SRD5A3: variants seen among roughly 807,000 people sequenced by gnomAD.
SRD5A3 encodes polyprenal reductase.
SRD5A3 carries 24 observed loss-of-function variants against 34.3 expected under a neutral mutation model. The observed-to-expected ratio is 0.70, with a 90% CI of 0.51 to 0.99. The LOEUF is 0.99. SRD5A3 is among the 50% of genes least tolerant of loss of function. The pLI is 0.00. For synonymous variants in SRD5A3, 161 were observed against 167.3 expected, an observed-to-expected ratio of 0.96 and a Z score of 0.29; for missense variants, 350 against 388.2, an observed-to-expected ratio of 0.90 and a Z score of 0.83.
At chr4:55,354,208 G>A (rs916615972) in intron 1 of SRD5A3, among the ~76,000 whole-genome samples, 2 of 151,944 alleles carry the variant, frequency 1.3e-5, no homozygotes, top group East Asian at 1.9e-4. Flanking sequence ...AGTGATTCTC[G>A]TGTCTCAGCC....
rs779953644 is a variant in SRD5A3, at chr4:55,359,509, T to G, written c.364+21T>G. ...CCAGGGTAAGGACTCCCTGGGCTTA[T>G]GACAACGCTGCATCCCGTTTCTGTT... On this transcript the variant is annotated intron_variant, in intron 2 of 4. Transcript: ENST00000264228. 10 of 1,613,876 alleles carry G rather than the reference T, an allele frequency of 6.2e-6. 1 individual carries two copies. The South Asian group carries it at 8.8e-5, about 14-fold the overall frequency.
At position 55,359,493 on chromosome 4, in the gene SRD5A3, G is replaced by C; in HGVS notation, c.364+5G>C. The C allele has an allele frequency of 1.2e-6, 2 of 1,613,948 alleles. No homozygotes were observed. The highest frequency in any genetic ancestry group is 1.7e-6 in the Non-Finnish European group (2 of 1,180,002). On this transcript the variant is annotated splice_donor_5th_base_variant and intron_variant, in intron 2 of 4. Transcript: ENST00000264228. ...TCGGGGCGGCACAGTTCCAGGGTAA[G>C]GACTCCCTGGGCTTATGACAACGCT...
At chr4:55,368,317 T>C (rs537944007) in intron 4 of SRD5A3, among the ~76,000 whole-genome samples, 1 of 150,228 alleles carries the variant, frequency 6.7e-6, no homozygotes, top group East Asian at 2.0e-4. Flanking sequence ...AGGCGGAGGT[T>C]GCAGTGAGCT....
intron 1 of SRD5A3, among the ~76,000 whole-genome samples, chr4:55,353,344 C>A (rs1719272436): frequency 6.6e-6 from 1 of 152,130 alleles, no homozygotes; most frequent in Non-Finnish European, 1.5e-5. Context: ...TAAAAATGCA[C>A]CAATCAGCGC....
chr4:55,359,339 T>C lies in SRD5A3; in HGVS notation c.222-7T>C. 6.2e-7 allele frequency: 1 copy of C among 1,614,028 alleles called. No individual in the cohort carries two copies. The highest frequency in any genetic ancestry group is 8.5e-7 in the Non-Finnish European group (1 of 1,180,030). ...TAATTATTGCCTCGCTTGTTTTCCT[T>C]TTGCAGATATTTTTCCCACTTTTAT... On this transcript the variant is annotated splice_region_variant and splice_polypyrimidine_tract_variant and intron_variant, in intron 1 of 4. Transcript: ENST00000264228.
chr4:55,349,683 T>G (rs1359076608), intron 1 of SRD5A3, among the ~76,000 whole-genome samples: 1 of 152,186 alleles, frequency 6.6e-6, no homozygotes, highest in African/African-American at 2.4e-5. Context: ...GTAGAAGAAC[T>G]TCTTAAATTT....
At chr4:55,348,164 A>C (rs1327044290) in intron 1 of SRD5A3, among the ~76,000 whole-genome samples, 1 of 151,958 alleles carries the variant, frequency 6.6e-6, no homozygotes, top group Non-Finnish European at 1.5e-5. Context: ...TGTAATTTCT[A>C]CTCTATTGTG....
intron 4 of SRD5A3, among the ~76,000 whole-genome samples, chr4:55,368,396 TTTTATTTA>T (rs57202577): frequency 0.27 from 37,871 of 142,512 alleles, 5,319 homozygotes; most frequent in South Asian, 0.37. Context: ...AATTGAATAG[TTTTATTTA>T]TTTATTTATT....
chr4:55,362,842 C>CTTT (rs757066208), intron 2 of SRD5A3, among the ~76,000 whole-genome samples: 44 of 127,934 alleles, frequency 3.4e-4, no homozygotes, highest in African/African-American at 1.2e-3. Flanking sequence ...GTGTGTGAGA[C>CTTT]TTTTTTTTTT....
At chr4:55,348,168 T>C (rs1412030734) in intron 1 of SRD5A3, among the ~76,000 whole-genome samples, 1 of 152,350 alleles carries the variant, frequency 6.6e-6, no homozygotes, top group East Asian at 1.9e-4. Context: ...ATTTCTACTC[T>C]ATTGTGAAAT....
At chr4:55,356,670 C>T (rs1017064820) in intron 1 of SRD5A3, among the ~76,000 whole-genome samples, 3 of 151,534 alleles carry the variant, frequency 2.0e-5, no homozygotes, top group Non-Finnish European at 2.9e-5. Context: ...AGAGATGGGG[C>T]CTCATTATGT....
intron 3 of SRD5A3, chr4:55,366,598 C>G (rs150606515): frequency 1.3e-5 from 2 of 152,146 alleles, no homozygotes; most frequent in Admixed American, 6.6e-5. Flanking sequence ...ACAGGTAGAC[C>G]GGTGGATTTT....
Position 55,370,372 on chromosome 4 carries a change from A to T in SRD5A3, c.*281A>T. ...AACCAACTGATAAAAAGTAGATGAG[A>T]CTTCTCCAAGCTGCTTCACAAGCAA... is the stretch of plus-strand genomic sequence containing the variant. On this transcript the variant is annotated 3_prime_UTR_variant, in exon 5 of 5. Coordinates refer to ENST00000264228, the MANE Select transcript of SRD5A3 (RefSeq NM_024592.5). 1 of 472,470 alleles carries T rather than the reference A, an allele frequency of 2.1e-6. No individual in the cohort carries two copies. Among genetic ancestry groups the T allele is most frequent in the South Asian group, 2.2e-5 (1 of 45,258 alleles). 29.3% of individuals were successfully genotyped at this position (472,470 alleles called of 1,614,324 possible).
Position 55,346,290 on chromosome 4 carries a change from A to T in SRD5A3, c.-47A>T. 1 of 1,358,840 alleles carries T rather than the reference A, an allele frequency of 7.4e-7. No homozygotes were observed. The allele number at this position is 1,358,840 out of a possible 1,614,324, so 84.2% of individuals were successfully genotyped here. On this transcript the variant is annotated 5_prime_UTR_variant, in exon 1 of 5. Coordinates refer to ENST00000264228, the MANE Select transcript of SRD5A3 (RefSeq NM_024592.5). ...GCTAGTGGCCGCTCTTCCGCGGGCT[A>T]GCGGGCGGTGGGGGCGCCAGCAGCG...
chr4:55,370,250 A>C lies in SRD5A3; in HGVS notation c.*159A>C. 1 of 910,750 alleles carries C rather than the reference A, an allele frequency of 1.1e-6. No homozygotes were observed. Among genetic ancestry groups the C allele is most frequent in the Non-Finnish European group, 1.7e-6 (1 of 590,572 alleles). 56.4% of individuals were successfully genotyped at this position (910,750 alleles called of 1,614,324 possible). A position where few individuals can be genotyped will look rare whatever the true frequency, so the allele number is the denominator to read the frequency against. Reference sequence around the variant, plus strand: ...TTCACTGAATGAGCATGGCAGTGCCACTCAAGAAAATGAATCTCCAAAGTA... The same window carrying C: ...TTCACTGAATGAGCATGGCAGTGCCCCTCAAGAAAATGAATCTCCAAAGTA... On this transcript the variant is annotated 3_prime_UTR_variant, in exon 5 of 5. Transcript: ENST00000264228.
intron 1 of SRD5A3, among the ~76,000 whole-genome samples, chr4:55,348,906 G>A (rs1027539240): frequency 2.6e-5 from 4 of 152,326 alleles, no homozygotes; most frequent in Admixed American, 2.0e-4. Flanking sequence ...AAGATTAAGT[G>A]AGAATGGATT....
intron 4 of SRD5A3, among the ~76,000 whole-genome samples, chr4:55,368,396 T>TTTTATTTATTTA (rs57202577): frequency 2.8e-5 from 4 of 142,948 alleles, no homozygotes; most frequent in Non-Finnish European, 4.5e-5. Context: ...AATTGAATAG[T>TTTTATTTATTTA]TTTATTTATT....
chr4:55,371,166 G>A lies in SRD5A3; in HGVS notation c.*1075G>A, dbSNP rs921248634. 10 of 152,112 alleles carry A rather than the reference G, an allele frequency of 6.6e-5. No homozygotes were observed. In the East Asian group the frequency reaches 1.3e-3, roughly 20 times the overall value. 9.4% of individuals were successfully genotyped at this position (152,112 alleles called of 1,614,324 possible). A position where few individuals can be genotyped will look rare whatever the true frequency, so the allele number is the denominator to read the frequency against. On this transcript the variant is annotated 3_prime_UTR_variant, in exon 5 of 5. Coordinates refer to ENST00000264228, the MANE Select transcript of SRD5A3 (RefSeq NM_024592.5). ...TTATGCATAGCAAGCCTTCGTGAAC[G>A]GAAGTGACACACTCTGGATTGAATA...
chr4:55,366,969 A>T (rs1013671335), intron 3 of SRD5A3: 7 of 154,418 alleles, frequency 4.5e-5, no homozygotes, highest in Admixed American at 1.9e-4. Context: ...GTTCTTTCTC[A>T]TCCAGACCTG....
Sources: gnomAD v4.1 joint callset for allele counts (sites outside exome capture counted in the v4.1 genomes callset) on GRCh38, gnomAD v4.1.1 for gene constraint, MANE v1.5 for transcripts, NCBI Gene and HGNC (gene_info 2026-07-23, HGNC 2026-07-21) for gene names.